Variants in SLC5A8 observed in about 807,000 individuals in gnomAD.
The protein encoded by SLC5A8 is sodium-coupled monocarboxylate transporter 1.
SLC5A8 carries 55 observed loss-of-function variants against 71.9 expected under a neutral mutation model. The observed-to-expected ratio is 0.77, with a 90% CI of 0.62 to 0.96. The LOEUF (loss-of-function observed/expected upper bound fraction) is 0.96. SLC5A8 is among the 40% of genes least tolerant of loss of function. SLC5A8 has a pLI of 0.00. For synonymous variants in SLC5A8, 307 were observed against 276.1 expected, an observed-to-expected ratio of 1.11 and a Z score of -1.11; for missense variants, 701 against 745.3, an observed-to-expected ratio of 0.94 and a Z score of 0.69.
chr12:101,161,855 GA>G (rs2051725865), intron 13 of SLC5A8, 118 bp downstream of exon 13: 1 of 751,980 alleles, frequency 1.3e-6, no homozygotes, highest in African/African-American at 1.7e-5. Context: ...TAAAACAGAA[GA>G]AATAATTAAA....
In SLC5A8 at chr12:101,156,689, C is replaced by T. The variant is rs936740624; in HGVS notation, c.*590G>A. ...AAGAAGACTTTGATCATTGGGCCCA[C>T]GGTCTTTCCCAGCCAGAATACTTAT... On this transcript the variant is annotated 3_prime_UTR_variant, in exon 15 of 15. Transcript: ENST00000536262. The T allele has an allele frequency of 1.8e-4, 27 of 152,210 alleles. No individual in the cohort carries two copies. The highest frequency in any genetic ancestry group is 4.6e-4 in the African/African-American group (19 of 41,430). 9.4% of individuals were successfully genotyped at this position (152,210 alleles called of 1,614,324 possible).
chr12:101,207,530 A>G (rs143789510), intron 1 of SLC5A8, among the ~76,000 whole-genome samples: 167 of 152,346 alleles, frequency 1.1e-3, no homozygotes, highest in African/African-American at 3.8e-3. Flanking sequence ...TACCACTGCA[A>G]GCATGAGGGA....
intron 10 of SLC5A8, among the ~76,000 whole-genome samples, chr12:101,170,348 C>T (rs766396548): frequency 3.2e-4 from 48 of 152,136 alleles, no homozygotes; most frequent in Admixed American, 1.0e-3. Flanking sequence ...TTTCTCTATT[C>T]CTCCTACTAA....
Position 101,163,286 on chromosome 12 carries a change from T to C in SLC5A8, c.1527-1209A>G, listed in dbSNP as rs143910966. 2.2e-3 allele frequency among the ~76,000 whole-genome samples: 331 copies of C among 152,366 alleles called. 2 individuals carry two copies. The highest frequency in any genetic ancestry group is 7.6e-3 in the African/African-American group (315 of 41,582). ...TCTAGGATTCCACTTTCAGTTTTGA[T>C]AGCTGCTTGATTTAGAACAATCATT... On this transcript the variant is annotated intron_variant, in intron 12 of 14. Coordinates refer to ENST00000536262, the MANE Select transcript of SLC5A8 (RefSeq NM_145913.5).
chr12:101,202,757 C>A (rs1019989727), intron 2 of SLC5A8, among the ~76,000 whole-genome samples: 10 of 152,016 alleles, frequency 6.6e-5, no homozygotes. Context: ...TAATATTATT[C>A]ATTATTTTCA....
At chr12:101,206,687 A>G (rs758839932) in intron 1 of SLC5A8, among the ~76,000 whole-genome samples, 3 of 152,240 alleles carry the variant, frequency 2.0e-5, no homozygotes, top group Non-Finnish European at 2.9e-5. Context: ...TAAATTAATC[A>G]AGATCTCTCG....
At chr12:101,196,496 A>G (rs1869184540) in intron 3 of SLC5A8, among the ~76,000 whole-genome samples, 2 of 152,280 alleles carry the variant, frequency 1.3e-5, no homozygotes, top group Admixed American at 1.3e-4. Context: ...ACATATTTTG[A>G]TGTATAGATT....
At chr12:101,166,838 A>G (rs2051776447) in intron 11 of SLC5A8, 139 bp from the exon 12 acceptor site, 1 of 693,208 alleles carries the variant, frequency 1.4e-6, no homozygotes, top group Non-Finnish European at 2.4e-6. Context: ...CTCTCCTCCC[A>G]AGATAGTGCT....
chr12:101,185,104 C>G (rs186994670), intron 7 of SLC5A8, among the ~76,000 whole-genome samples: 1 of 152,154 alleles, frequency 6.6e-6, no homozygotes, highest in Non-Finnish European at 1.5e-5. Context: ...CAATAGTGTG[C>G]TCATGGGATA....
chr12:101,175,198 T>C (rs973228810), intron 10 of SLC5A8, among the ~76,000 whole-genome samples: 1 of 151,620 alleles, frequency 6.6e-6, no homozygotes, highest in African/African-American at 2.4e-5. Flanking sequence ...ACAATAGCAG[T>C]ATAGAAGGAA....
chr12:101,200,625 T>C (rs1169347761), intron 3 of SLC5A8, among the ~76,000 whole-genome samples: 2 of 152,072 alleles, frequency 1.3e-5, no homozygotes, highest in African/African-American at 2.4e-5. Flanking sequence ...ATATTTTAGG[T>C]ACAATGATGG....
chr12:101,202,230 G>A lies in SLC5A8; in HGVS notation c.418-15C>T. The A allele has an allele frequency of 6.4e-7, 1 of 1,550,738 alleles. No individual in the cohort carries two copies. The highest frequency in any genetic ancestry group is 1.2e-5 in the South Asian group (1 of 82,802). ...GTATACAGAATCTAGGGGGGAGAAA[G>A]AAAGCCAAATGAATTATATGAATTA... On this transcript the variant is annotated splice_polypyrimidine_tract_variant and intron_variant, in intron 2 of 14. Transcript: ENST00000536262.
chr12:101,203,125 T>C (rs964323938), intron 2 of SLC5A8, among the ~76,000 whole-genome samples: 2 of 152,224 alleles, frequency 1.3e-5, no homozygotes, highest in Non-Finnish European at 2.9e-5. Context: ...CTGATTTCTG[T>C]TGGCATCTCT....
intron 9 of SLC5A8, 36 bp downstream of exon 9, chr12:101,182,767 C>T (rs1175425950): frequency 9.6e-6 from 14 of 1,459,886 alleles, no homozygotes; most frequent in Non-Finnish European, 1.3e-5. Flanking sequence ...AATCATCTCT[C>T]TGAGCTAAAA....
chr12:101,178,293 C>T (rs972501355), intron 10 of SLC5A8, among the ~76,000 whole-genome samples: 1 of 152,022 alleles, frequency 6.6e-6, no homozygotes, highest in Non-Finnish European at 1.5e-5. Context: ...TAGATACAGA[C>T]AAGATTATCC....
At chr12:101,204,089 A>G (rs1869571715) in intron 2 of SLC5A8, among the ~76,000 whole-genome samples, 1 of 152,204 alleles carries the variant, frequency 6.6e-6, no homozygotes, top group Non-Finnish European at 1.5e-5. Flanking sequence ...TAATTTTTTC[A>G]TACCTATTAA....
At chr12:101,201,918 G>A (rs1869469575) in intron 3 of SLC5A8, among the ~76,000 whole-genome samples, 2 of 152,234 alleles carry the variant, frequency 1.3e-5, no homozygotes, top group South Asian at 4.1e-4. Context: ...TGGGCTGATG[G>A]GCACATCCCA....
intron 9 of SLC5A8, among the ~76,000 whole-genome samples, chr12:101,180,337 G>A (rs1265286138): frequency 6.6e-6 from 1 of 152,154 alleles, no homozygotes; most frequent in South Asian, 2.1e-4. Flanking sequence ...GGTTATATAA[G>A]TAAAGAGTTC....
chr12:101,194,337 A>T (rs1028751385), intron 4 of SLC5A8, among the ~76,000 whole-genome samples: 1 of 152,202 alleles, frequency 6.6e-6, no homozygotes, highest in Admixed American at 6.5e-5. Context: ...AAGGGTTAAG[A>T]CATAGAGTGT....
Sources: gnomAD v4.1 joint callset for allele counts (sites outside exome capture counted in the v4.1 genomes callset) on GRCh38, gnomAD v4.1.1 for gene constraint, MANE v1.5 for transcripts, NCBI Gene and HGNC (gene_info 2026-07-23, HGNC 2026-07-21) for gene names.